DOK6: variants seen among roughly 807,000 people sequenced by gnomAD.
DOK6 encodes the protein downstream of tyrosine kinase 6.
A neutral mutation model predicts 44.0 loss-of-function variants in DOK6; 22 were observed. The observed-to-expected ratio is 0.50, with a 90% CI of 0.36 to 0.71. The LOEUF (loss-of-function observed/expected upper bound fraction) is 0.71, where lower values mean the gene tolerates loss of function less well. DOK6 is among the 30% of genes least tolerant of loss of function. The pLI is 0.00. For synonymous variants in DOK6, 166 were observed against 145.5 expected (o/e 1.14, Z -1.01); for missense variants, 340 against 416.4 (o/e 0.82, Z 1.60).
intron 3 of DOK6, among the ~76,000 whole-genome samples, chr18:69,617,707 A>AAAG (rs1555717460): frequency 7.7e-5 from 3 of 38,790 alleles, no homozygotes; most frequent in Non-Finnish European, 2.4e-4. Flanking sequence ...ACGGAAAGAG[A>AAAG]AAAGAAAGAA....
intron 2 of DOK6, 72 bp from the exon 3 acceptor site, chr18:69,599,312 T>C (rs936097905): frequency 3.9e-6 from 4 of 1,018,312 alleles, no homozygotes; most frequent in African/African-American, 3.3e-5. Flanking sequence ...TGATAACTTA[T>C]CATTTTGTTT....
intron 7 of DOK6, among the ~76,000 whole-genome samples, chr18:69,820,525 C>T (rs1207330974): frequency 6.6e-6 from 1 of 152,108 alleles, no homozygotes; most frequent in Middle Eastern, 3.2e-3. Context: ...CTTAAACTTG[C>T]TATTTTTAAA....
At chr18:69,604,975 C>T (rs954391963) in intron 3 of DOK6, among the ~76,000 whole-genome samples, 3 of 151,630 alleles carry the variant, frequency 2.0e-5, no homozygotes, top group South Asian at 2.1e-4. Flanking sequence ...TAATGAGTGT[C>T]GCTTCTCCTT....
intron 7 of DOK6, among the ~76,000 whole-genome samples, chr18:69,798,360 G>A (rs766094865): frequency 2.0e-5 from 3 of 152,080 alleles, no homozygotes; most frequent in Non-Finnish European, 2.9e-5. Context: ...TATTGTGAAC[G>A]ATGGTTATAC....
At chr18:69,569,837 C>T (rs904449867) in intron 2 of DOK6, among the ~76,000 whole-genome samples, 5 of 151,946 alleles carry the variant, frequency 3.3e-5, no homozygotes, top group Admixed American at 2.6e-4. Flanking sequence ...ACGTATACAC[C>T]ATATGGTACA....
At chr18:69,472,123 G>A (rs1980130280) in intron 1 of DOK6, among the ~76,000 whole-genome samples, 1 of 152,076 alleles carries the variant, frequency 6.6e-6, no homozygotes, top group East Asian at 1.9e-4. Flanking sequence ...AGAAAACTGA[G>A]ACATAACCTT....
At chr18:69,465,188 T>C (rs1324436067) in intron 1 of DOK6, among the ~76,000 whole-genome samples, 1 of 152,148 alleles carries the variant, frequency 6.6e-6, no homozygotes, top group Non-Finnish European at 1.5e-5. Context: ...GGAGCTTTAG[T>C]TTTCTTAGAA....
intron 1 of DOK6, among the ~76,000 whole-genome samples, chr18:69,481,213 G>A (rs1463429483): frequency 6.6e-6 from 1 of 151,730 alleles, no homozygotes; most frequent in Non-Finnish European, 1.5e-5. Context: ...ATGTGTGATG[G>A]GGATTTTTTT....
At chr18:69,654,486 A>C (rs755777327) in intron 3 of DOK6, among the ~76,000 whole-genome samples, 4 of 152,166 alleles carry the variant, frequency 2.6e-5, no homozygotes, top group Non-Finnish European at 5.9e-5. Context: ...TTTTTGCATA[A>C]AATCTGGCTC....
chr18:69,721,558 T>C (rs1978288732), intron 5 of DOK6: 1 of 152,258 alleles, frequency 6.6e-6, no homozygotes, highest in Non-Finnish European at 1.5e-5. Flanking sequence ...ATTGTGCTAT[T>C]GTTTGCAGTA....
intron 5 of DOK6, among the ~76,000 whole-genome samples, chr18:69,702,575 A>T (rs1221641955): frequency 6.6e-6 from 1 of 152,142 alleles, no homozygotes; most frequent in East Asian, 1.9e-4. Context: ...AACAAAATAT[A>T]CCCCAATTTC....
chr18:69,596,514 AC>A (rs1211659916), intron 2 of DOK6, among the ~76,000 whole-genome samples: 1 of 152,122 alleles, frequency 6.6e-6, no homozygotes, highest in Non-Finnish European at 1.5e-5. Flanking sequence ...TTACAAAGGA[AC>A]CCCAATAAGA....
chr18:69,403,552 C>T (rs1030931692), intron 1 of DOK6, among the ~76,000 whole-genome samples: 1 of 152,194 alleles, frequency 6.6e-6, no homozygotes, highest in Non-Finnish European at 1.5e-5. Flanking sequence ...CTTTTGTCCT[C>T]CATTTCTACC....
intron 2 of DOK6, among the ~76,000 whole-genome samples, chr18:69,577,948 C>CTGTT (rs1395104000): frequency 2.0e-5 from 3 of 152,128 alleles, no homozygotes; most frequent in African/African-American, 7.2e-5. Context: ...CTTCGGATTT[C>CTGTT]TGTTTATTAC....
intron 1 of DOK6, among the ~76,000 whole-genome samples, chr18:69,433,545 T>A (rs950719376): frequency 1.3e-5 from 2 of 152,074 alleles, no homozygotes; most frequent in South Asian, 4.1e-4. Flanking sequence ...TACATCTAAG[T>A]CTCATGCTCT....
intron 3 of DOK6, among the ~76,000 whole-genome samples, chr18:69,609,795 T>C (rs1458184248): frequency 2.0e-5 from 3 of 152,160 alleles, no homozygotes; most frequent in Non-Finnish European, 4.4e-5. Context: ...AGCTGATGAA[T>C]GGATTAAGAA....
In DOK6 at chr18:69,841,266, G is replaced by A; in HGVS notation, c.879G>A (p.Lys293=). ...TAGGTCATGGGTTTGGTTCGTCAAAGATGTCTCGTGCACAGACATTTCCCA... is the reference window on the plus strand; with the variant it reads ...TAGGTCATGGGTTTGGTTCGTCAAAAATGTCTCGTGCACAGACATTTCCCA... ...SLQGHGFGSS[K]MSRAQTFPSY... Residue 293 remains lysine, a synonymous_variant, in exon 8 of 8, where the codon AAG becomes AAA. Transcript: ENST00000382713. The A allele has an allele frequency of 1.2e-6, 2 of 1,614,174 alleles. No individual in the cohort carries two copies. The highest frequency in any genetic ancestry group is 1.7e-6 in the Non-Finnish European group (2 of 1,180,026).
chr18:69,461,861 G>C (rs567277692), intron 1 of DOK6, among the ~76,000 whole-genome samples: 6 of 152,232 alleles, frequency 3.9e-5, no homozygotes, highest in Non-Finnish European at 7.4e-5. Context: ...CCATCTTGTG[G>C]ATTAAGTCAT....
At chr18:69,768,672 G>C (rs1269722484) in intron 7 of DOK6, among the ~76,000 whole-genome samples, 2 of 150,504 alleles carry the variant, frequency 1.3e-5, no homozygotes, top group African/African-American at 4.9e-5. Flanking sequence ...TAAAAGATGA[G>C]AAACATCAGG....
Sources: allele counts gnomAD v4.1 joint callset (sites outside exome capture counted in the v4.1 genomes callset), GRCh38; gene constraint gnomAD v4.1.1; transcripts MANE v1.5; gene names NCBI Gene and HGNC (gene_info 2026-07-23, HGNC 2026-07-21).